The following RGL1 variants were observed in gnomAD, a reference collection of about 807,000 sequenced individuals.
The protein encoded by RGL1 is ral guanine nucleotide dissociation stimulator-like 1.
A neutral mutation model predicts 95.2 loss-of-function variants in RGL1; 24 were observed. The observed-to-expected ratio is 0.25, with a 90% CI of 0.18 to 0.35. The LOEUF is 0.35. Ranked by LOEUF, RGL1 falls within the 10% of genes least tolerant of loss-of-function variation. The pLI is 1.00. For synonymous variants in RGL1, 329 were observed against 344.9 expected (o/e 0.95, Z 0.51); for missense variants, 715 against 936.3 (o/e 0.76, Z 3.08).
chr1:183,764,729 C>T (rs1658878040), intron 2 of RGL1, among the ~76,000 whole-genome samples: 2 of 152,214 alleles, frequency 1.3e-5, no homozygotes, highest in South Asian at 2.1e-4. Flanking sequence ...TGGGTAACCA[C>T]GTGGCCACCC....
At chr1:183,897,728 C>T (rs752868590) in intron 9 of RGL1, 80 bp from the exon 10 acceptor site, 68 of 1,043,852 alleles carry the variant, frequency 6.5e-5, no homozygotes, top group Non-Finnish European at 8.4e-5. Flanking sequence ...GGGTTGTGTG[C>T]GAGAAACTAG....
At chr1:183,916,791 G>A (rs1669006541) in intron 16 of RGL1, 90 bp downstream of exon 16, 4 of 1,424,784 alleles carry the variant, frequency 2.8e-6, no homozygotes, top group Non-Finnish European at 2.9e-6. Context: ...CCCTAAATAT[G>A]CACACTCAAT....
At chr1:183,760,013 GT>G (rs1243063506) in intron 2 of RGL1, among the ~76,000 whole-genome samples, 1 of 151,112 alleles carries the variant, frequency 6.6e-6, no homozygotes, top group African/African-American at 2.4e-5. Context: ...TGGATACCTG[GT>G]TTGTTTCCAG....
chr1:183,880,833 A>G, intron 5 of RGL1, 33 bp downstream of exon 5: 1 of 1,598,292 alleles, frequency 6.3e-7, no homozygotes, highest in Non-Finnish European at 8.6e-7. Context: ...GGAAAAGGCT[A>G]GATTCTGATT....
chr1:183,670,777 C>T (rs997655226), intron 1 of RGL1, among the ~76,000 whole-genome samples: 1 of 152,184 alleles, frequency 6.6e-6, no homozygotes, highest in African/African-American at 2.4e-5. Flanking sequence ...CTTCCAAGCT[C>T]CTTACATGCT....
intron 1 of RGL1, among the ~76,000 whole-genome samples, chr1:183,665,096 G>A (rs1359468420): frequency 6.6e-6 from 1 of 151,988 alleles, no homozygotes; most frequent in Non-Finnish European, 1.5e-5. Context: ...TCATTAATGG[G>A]TGTTAGATTT....
chr1:183,705,069 G>A (rs1361557566), intron 1 of RGL1, among the ~76,000 whole-genome samples: 1 of 152,202 alleles, frequency 6.6e-6, no homozygotes, highest in Non-Finnish European at 1.5e-5. Flanking sequence ...GCCTTCTGGA[G>A]TAGACGGAAA....
chr1:183,891,316 C>T (rs1667403466), intron 8 of RGL1, among the ~76,000 whole-genome samples: 1 of 152,050 alleles, frequency 6.6e-6, no homozygotes, highest in South Asian at 2.1e-4. Context: ...AACCATGAGG[C>T]TCACAGAGAT....
At chr1:183,640,494 A>AAAAAATTGTT (rs1649851048) in intron 1 of RGL1, among the ~76,000 whole-genome samples, 1 of 152,222 alleles carries the variant, frequency 6.6e-6, no homozygotes, top group Non-Finnish European at 1.5e-5. Flanking sequence ...CAAAGATTAA[A>AAAAAATTGTT]AAAAATTGTA....
At position 183,902,820 on chromosome 1, in the gene RGL1, CAA is replaced by C. The variant is rs1391495551; in HGVS notation, c.1350+221_1350+222del. On this transcript the variant is annotated intron_variant, in intron 12 of 17. Coordinates refer to ENST00000360851, the MANE Select transcript of RGL1 (RefSeq NM_001297671.3). The stretch of plus-strand genomic sequence containing the variant: ...ATTCAAAGGTGAGGAAGCTAGGACT[CAA>C]GAGATTAAATTACTGGACGAGAATC... 3.9e-5 allele frequency among the ~76,000 whole-genome samples: 6 copies of C among 152,056 alleles called. No individual in the cohort carries two copies. In the South Asian group the frequency reaches 6.2e-4, roughly 16 times the overall value.
chr1:183,830,124 A>T (rs1017708481), intron 2 of RGL1, among the ~76,000 whole-genome samples: 1 of 152,182 alleles, frequency 6.6e-6, no homozygotes, highest in African/African-American at 2.4e-5. Flanking sequence ...CAAAGAAGTG[A>T]TGCTCTAGTC....
chr1:183,813,434 C>T (rs1333587660), intron 2 of RGL1, among the ~76,000 whole-genome samples: 1 of 152,230 alleles, frequency 6.6e-6, no homozygotes, highest in African/African-American at 2.4e-5. Context: ...AGTTTAGGCT[C>T]ACCATGAACA....
chr1:183,865,590 G>C (rs1379512571), intron 3 of RGL1, among the ~76,000 whole-genome samples: 1 of 152,186 alleles, frequency 6.6e-6, no homozygotes, highest in African/African-American at 2.4e-5. Flanking sequence ...TGTGCCTGCA[G>C]AGCCATGTGT....
chr1:183,894,114 A>T (rs1667565089), intron 9 of RGL1, among the ~76,000 whole-genome samples: 1 of 152,186 alleles, frequency 6.6e-6, no homozygotes, highest in Non-Finnish European at 1.5e-5. Context: ...CTTTAAATGG[A>T]AACCCATCTG....
intron 5 of RGL1, among the ~76,000 whole-genome samples, chr1:183,881,029 C>T (rs1666796810): frequency 6.6e-6 from 1 of 151,974 alleles, no homozygotes; most frequent in African/African-American, 2.4e-5. Flanking sequence ...TAATCTGGCT[C>T]CCTCATTTTA....
In RGL1 at chr1:183,926,476, A is replaced by C; in HGVS notation, c.*184A>C. On this transcript the variant is annotated 3_prime_UTR_variant, in exon 18 of 18. Transcript: ENST00000360851. The stretch of plus-strand genomic sequence containing the variant: ...TGGGGAAACTGGAAATGAATTTGAC[A>C]TGAAAAGGATGAACGATTCACTGAT... The C allele has an allele frequency of 2.2e-6, 1 of 456,256 alleles. No individual in the cohort carries two copies. The highest frequency in any genetic ancestry group is 3.9e-6 in the Non-Finnish European group (1 of 255,286). 28.3% of individuals were successfully genotyped at this position (456,256 alleles called of 1,614,324 possible). A position where few individuals can be genotyped will look rare whatever the true frequency, so the allele number is the denominator to read the frequency against.
At chr1:183,706,983 A>G (rs574715883) in intron 1 of RGL1, among the ~76,000 whole-genome samples, 1 of 152,290 alleles carries the variant, frequency 6.6e-6, no homozygotes, top group South Asian at 2.1e-4. Context: ...CAGTTAAACG[A>G]GACAGAAAAG....
At chr1:183,920,086 T>G (rs976494638) in intron 16 of RGL1, among the ~76,000 whole-genome samples, 1 of 152,038 alleles carries the variant, frequency 6.6e-6, no homozygotes, top group Non-Finnish European at 1.5e-5. Flanking sequence ...CTGGGCTGGA[T>G]TGCAATGGCA....
At position 183,884,743 on chromosome 1, in the gene RGL1, G is replaced by C; in HGVS notation, c.756G>C (p.Val252=). The C allele has an allele frequency of 6.2e-7, 1 of 1,614,064 alleles. No individual in the cohort carries two copies. Among genetic ancestry groups the C allele is most frequent in the South Asian group, 1.1e-5 (1 of 91,082 alleles). ...YMDAQLFKKV[V]PHHCLGCIWS... ...TCCAGCAACTCTTCAAGAAAGTAGT[G>C]CCTCACCACTGCCTGGGCTGCATTT... Residue 252 remains valine, a synonymous_variant, in exon 7 of 18, where the codon GTG becomes GTC. Coordinates refer to ENST00000360851, the MANE Select transcript of RGL1 (RefSeq NM_001297671.3).
Sources: allele counts gnomAD v4.1 joint callset (sites outside exome capture counted in the v4.1 genomes callset), GRCh38; gene constraint gnomAD v4.1.1; transcripts MANE v1.5; gene names NCBI Gene and HGNC (gene_info 2026-07-23, HGNC 2026-07-21).